RAD54L2: variants seen among roughly 807,000 people sequenced by gnomAD.
RAD54L2 encodes the protein helicase ARIP4.
RAD54L2 carries 27 observed loss-of-function variants against 138.4 expected under a neutral mutation model. The observed-to-expected ratio is 0.20, with a 90% CI of 0.14 to 0.27. The LOEUF (loss-of-function observed/expected upper bound fraction) is 0.27, where lower values mean the gene tolerates loss of function less well. Ranked by LOEUF, RAD54L2 falls within the 10% of genes least tolerant of loss-of-function variation. The pLI is 1.00. For missense variants in RAD54L2, 1,396 were observed against 1,890.2 expected (o/e 0.74, Z 4.85); for synonymous variants, 644 against 723.2 (o/e 0.89, Z 1.76).
At chr3:51,580,567 G>A (rs1409208620) in intron 2 of RAD54L2, among the ~76,000 whole-genome samples, 3 of 152,062 alleles carry the variant, frequency 2.0e-5, no homozygotes, top group Non-Finnish European at 4.4e-5. Flanking sequence ...CTATCTAGGG[G>A]CCCCACCCTA....
chr3:51,548,911 C>A (rs1368245394), intron 2 of RAD54L2, among the ~76,000 whole-genome samples: 1 of 150,962 alleles, frequency 6.6e-6, no homozygotes, highest in African/African-American at 2.4e-5. Flanking sequence ...ACTGCAACCT[C>A]CGCTTCCCGG....
chr3:51,589,745 G>A, intron 2 of RAD54L2, among the ~76,000 whole-genome samples: 1 of 151,780 alleles, frequency 6.6e-6, no homozygotes, highest in Non-Finnish European at 1.5e-5. Flanking sequence ...AATAGATACA[G>A]AGAGTTGGTG....
chr3:51,581,084 T>C (rs1178319785), intron 2 of RAD54L2, among the ~76,000 whole-genome samples: 1 of 152,052 alleles, frequency 6.6e-6, no homozygotes, highest in African/African-American at 2.4e-5. Context: ...AAGTGACCAG[T>C]GTCAGCTCAG....
At chr3:51,620,715 T>C (rs1700552651) in intron 3 of RAD54L2, among the ~76,000 whole-genome samples, 1 of 152,220 alleles carries the variant, frequency 6.6e-6, no homozygotes, top group Non-Finnish European at 1.5e-5. Flanking sequence ...CTCTTGTGGT[T>C]ACTGCTCACA....
Position 51,627,676 on chromosome 3 carries a change from A to G in RAD54L2, c.263A>G (p.His88Arg), listed in dbSNP as rs774902472. ...GAGCCTTCAGAGCAGCTTAGGCGCC[A>G]CCAAGGCAAGAACCTAGCCTCCGAG... The part of the protein sequence containing the change: ...QSEPSEQLRR[H>R]QGKNLASEDP... The change falls in exon 4 of 23, where the codon CAC becomes CGC. Residue 88 changes from histidine to arginine, a missense_variant. Physicochemically the swap from His to Arg is conservative, Grantham distance 29. Coordinates refer to ENST00000684192, the MANE Select transcript of RAD54L2 (RefSeq NM_015106.4). 8.7e-6 allele frequency: 14 copies of G among 1,612,158 alleles called. No individual in the cohort carries two copies. The highest frequency in any genetic ancestry group is 1.2e-5 in the Non-Finnish European group (14 of 1,179,220).
At chr3:51,617,164 C>T (rs1700463608) in intron 3 of RAD54L2, among the ~76,000 whole-genome samples, 1 of 152,084 alleles carries the variant, frequency 6.6e-6, no homozygotes, top group Non-Finnish European at 1.5e-5. Context: ...TAAAGCTGCT[C>T]TGAACGTTCA....
intron 19 of RAD54L2, among the ~76,000 whole-genome samples, chr3:51,649,231 C>T (rs1004369912): frequency 6.6e-6 from 1 of 151,662 alleles, no homozygotes; most frequent in African/African-American, 2.4e-5. Flanking sequence ...GAATGAAATG[C>T]GGTGAGAAAA....
At chr3:51,582,186 A>G (rs1699621438) in intron 2 of RAD54L2, among the ~76,000 whole-genome samples, 1 of 152,038 alleles carries the variant, frequency 6.6e-6, no homozygotes, top group African/African-American at 2.4e-5. Context: ...GAGATAATAG[A>G]CATGAGCCAC....
chr3:51,591,358 C>T (rs1305702220), intron 3 of RAD54L2, among the ~76,000 whole-genome samples: 1 of 152,140 alleles, frequency 6.6e-6, no homozygotes, highest in African/African-American at 2.4e-5. Flanking sequence ...TCATAACAGA[C>T]CCCCTAGTGG....
chr3:51,626,934 C>A (rs967962867), intron 3 of RAD54L2, among the ~76,000 whole-genome samples: 10 of 152,044 alleles, frequency 6.6e-5, no homozygotes, highest in Non-Finnish European at 1.5e-5. Flanking sequence ...TATAGCACAC[C>A]TTGCCATGTT....
At chr3:51,611,339 A>T (rs1028597488) in intron 3 of RAD54L2, 1 of 151,902 alleles carries the variant, frequency 6.6e-6, no homozygotes, top group Non-Finnish European at 1.5e-5. Flanking sequence ...TGATACATGC[A>T]TACAATGCAT....
At position 51,666,167 on chromosome 3, in the gene RAD54L2, GTTTTTGCTTTTTTTTTTTTTTTT is replaced by G. The variant is rs1701905284; in HGVS notation, c.*2753_*2775del. The G allele has an allele frequency of 2.0e-5, 1 of 49,104 alleles. No individual in the cohort carries two copies. The highest frequency in any genetic ancestry group is 4.0e-5 in the Non-Finnish European group (1 of 25,276). 3.0% of individuals were successfully genotyped at this position (49,104 alleles called of 1,614,324 possible). On this transcript the variant is annotated 3_prime_UTR_variant, in exon 23 of 23. Coordinates refer to ENST00000684192, the MANE Select transcript of RAD54L2 (RefSeq NM_015106.4). ...AAATTGGAGTGCTACCAGGTCCATG[GTTTTTGCTTTTTTTTTTTTTTTT>G]TTTTTTTTTTTTTTTTTTTAAAGAA...
chr3:51,625,646 G>A (rs1384924619), intron 3 of RAD54L2, among the ~76,000 whole-genome samples: 1 of 151,928 alleles, frequency 6.6e-6, no homozygotes, highest in African/African-American at 2.4e-5. Flanking sequence ...ATCACTTGAG[G>A]CCAGGAGTTT....
chr3:51,574,328 A>C (rs1699413064), intron 2 of RAD54L2, among the ~76,000 whole-genome samples: 1 of 152,100 alleles, frequency 6.6e-6, no homozygotes, highest in Non-Finnish European at 1.5e-5. Context: ...GTCTTTATAG[A>C]AGCATGATTT....
chr3:51,573,592 C>T (rs1396787999), intron 2 of RAD54L2, among the ~76,000 whole-genome samples: 4 of 152,044 alleles, frequency 2.6e-5, no homozygotes, highest in Admixed American at 6.6e-5. Flanking sequence ...AGCGCCACCA[C>T]GCCCGAGTAG....
Position 51,663,197 on chromosome 3 carries a change from C to T in RAD54L2, c.4181C>T (p.Pro1394Leu), listed in dbSNP as rs375836463. 1.1e-5 allele frequency: 18 copies of T among 1,613,856 alleles called. No individual in the cohort carries two copies. Among genetic ancestry groups the T allele is most frequent in the African/African-American group, 2.7e-5 (2 of 74,918 alleles). ...TTCTCACAGCCACTCCTGTCCGAGC[C>T]GAGGATGTTTGCGCCTTTTCCTTCC... is the stretch of plus-strand genomic sequence containing the variant. Reference protein sequence around the residue: ...LPFSQPLLSEPRMFAPFPSPV... With the variant: ...LPFSQPLLSELRMFAPFPSPV... The change falls in exon 23 of 23, where the codon CCG (proline) becomes CTG (leucine). Residue 1394 changes from proline to leucine, a missense_variant. Physicochemically the swap from Pro to Leu is moderately conservative, Grantham distance 98. This residue lies in a region of RAD54L2 where 634 missense variants were observed against 711.2 expected (regional missense o/e 0.89). Transcript: ENST00000684192.
chr3:51,645,855 T>G lies in RAD54L2; in HGVS notation c.2829+92T>G, dbSNP rs1471506698. 1 of 1,331,480 alleles carries G rather than the reference T, an allele frequency of 7.5e-7. No homozygotes were observed. Among genetic ancestry groups the G allele is most frequent in the African/African-American group, 1.5e-5 (1 of 67,190 alleles). 82.5% of individuals were successfully genotyped at this position (1,331,480 alleles called of 1,614,324 possible). ...AAGCTTTTTTCTTCATCTGAGGTGA[T>G]GTTTCATGCAGGTGACTTGGACTCA... On this transcript the variant is annotated intron_variant, in intron 18 of 22. Coordinates refer to ENST00000684192, the MANE Select transcript of RAD54L2 (RefSeq NM_015106.4). The surrounding 1 kb of genome is among the most constrained non-coding windows in gnomAD (Gnocchi z 6.1).
chr3:51,545,319 G>A (rs1698663009), intron 2 of RAD54L2, among the ~76,000 whole-genome samples: 1 of 152,050 alleles, frequency 6.6e-6, no homozygotes, highest in African/African-American at 2.4e-5. Context: ...AGCCTCCTGA[G>A]CAGCTGGGAT....
intron 1 of RAD54L2, among the ~76,000 whole-genome samples, chr3:51,540,086 G>C (rs1559609153): frequency 6.6e-6 from 1 of 152,128 alleles, no homozygotes; most frequent in Non-Finnish European, 1.5e-5. Flanking sequence ...TGAAATGATA[G>C]ACAAACTTAG....
Sources: gnomAD v4.1 joint callset for allele counts (sites outside exome capture counted in the v4.1 genomes callset) on GRCh38, gnomAD v4.1.1 for gene constraint, gnomAD v4.1.1 regional missense constraint, Gnocchi (gnomAD v3.1) non-coding constraint, MANE v1.5 for transcripts, NCBI Gene and HGNC (gene_info 2026-07-23, HGNC 2026-07-21) for gene names.